NLRC5: variants seen among roughly 807,000 people sequenced by gnomAD.
NLRC5 encodes the protein protein NLRC5.
Under a neutral mutation model 206.9 loss-of-function variants are expected in NLRC5, and 114 were observed. That is an observed-to-expected ratio of 0.55 (90% CI 0.47 to 0.64). The LOEUF (loss-of-function observed/expected upper bound fraction) is 0.64, where lower values mean the gene tolerates loss of function less well. Ranked by LOEUF, NLRC5 falls within the 30% of genes least tolerant of loss-of-function variation. The pLI, the probability that NLRC5 is intolerant of heterozygous loss-of-function variation, is 0.00. For synonymous variants in NLRC5, 952 were observed against 962.8 expected, an observed-to-expected ratio of 0.99 and a Z score of 0.21; for missense variants, 2,008 against 2,305.5, an observed-to-expected ratio of 0.87 and a Z score of 2.64.
chr16:56,996,676 T>C (rs2057654943), intron 1 of NLRC5, among the ~76,000 whole-genome samples: 1 of 152,224 alleles, frequency 6.6e-6, no homozygotes, highest in Non-Finnish European at 1.5e-5. Context: ...GGTGAGTTTG[T>C]GGGGGAAATT....
At chr16:57,014,013 C>T (rs1384795176) in intron 1 of NLRC5, 8 of 350,714 alleles carry the variant, frequency 2.3e-5, no homozygotes, top group Non-Finnish European at 3.8e-5. Flanking sequence ...AGTTTCTTGA[C>T]AGATTTAAGT....
intron 21 of NLRC5, among the ~76,000 whole-genome samples, 198 bp downstream of exon 21, chr16:57,045,690 C>G (rs559819521): frequency 2.6e-5 from 4 of 152,316 alleles, no homozygotes; most frequent in African/African-American, 9.6e-5. Context: ...CCCTGTTTTC[C>G]CCTTGGAAGG....
chr16:57,015,944 A>AAAAAAAG (rs1567531360), intron 1 of NLRC5, among the ~76,000 whole-genome samples: 1 of 120,232 alleles, frequency 8.3e-6, no homozygotes, highest in Non-Finnish European at 1.8e-5. Flanking sequence ...AAAAAAAAAA[A>AAAAAAAG]AAAAGAAAGA....
intron 1 of NLRC5, among the ~76,000 whole-genome samples, chr16:57,003,148 C>A (rs544687503): frequency 6.6e-6 from 1 of 152,276 alleles, no homozygotes; most frequent in Admixed American, 6.5e-5. Flanking sequence ...CCGCCTCCGT[C>A]TCTTGGGTTC....
intron 1 of NLRC5, among the ~76,000 whole-genome samples, chr16:57,015,856 T>G (rs1245228903): frequency 4.3e-5 from 5 of 117,010 alleles, no homozygotes; most frequent in African/African-American, 1.4e-4. Flanking sequence ...AACCAGAAGG[T>G]GGAGGTTGTG....
intron 1 of NLRC5, among the ~76,000 whole-genome samples, chr16:57,000,514 C>T (rs1215314759): frequency 6.6e-6 from 1 of 152,056 alleles, no homozygotes; most frequent in Non-Finnish European, 1.5e-5. Context: ...AGTGCAGGCT[C>T]AGGAACATCC....
intron 8 of NLRC5, among the ~76,000 whole-genome samples, chr16:57,029,091 A>G (rs1425189652): frequency 7.2e-5 from 11 of 152,130 alleles, no homozygotes; most frequent in Non-Finnish European, 1.3e-4. Flanking sequence ...TGAAAATAAT[A>G]AGTTGGACCA....
chr16:57,038,673 T>A (rs930544932), intron 15 of NLRC5, among the ~76,000 whole-genome samples: 2 of 152,228 alleles, frequency 1.3e-5, no homozygotes, highest in African/African-American at 4.8e-5. Context: ...CTGTGGCTCA[T>A]GCTGTAAACC....
intron 32 of NLRC5, 116 bp from the exon 33 acceptor site, chr16:57,065,096 A>T (rs753578130): frequency 1.9e-4 from 100 of 514,484 alleles, no homozygotes; most frequent in Middle Eastern, 1.6e-3. Context: ...TGAGCAAAAA[A>T]AACTCAAAAA....
chr16:57,036,564 G>A lies in NLRC5; in HGVS notation c.2711+381G>A, dbSNP rs1055455061. Among the ~76,000 whole-genome samples, 7 of 152,096 alleles carry A rather than the reference G, an allele frequency of 4.6e-5. No individual in the cohort carries two copies. The East Asian group carries it at 9.6e-4, about 21-fold the overall frequency. On this transcript the variant is annotated intron_variant, in intron 14 of 48. Coordinates refer to ENST00000688547, the MANE Select transcript of NLRC5 (RefSeq NM_001384950.1). Reference sequence around the variant, plus strand: ...AGGGTAGGGAGTGGTGTGTTCCTGTGGGGATACACTGTTGGGGTGAGGGGT... The same window carrying A: ...AGGGTAGGGAGTGGTGTGTTCCTGTAGGGATACACTGTTGGGGTGAGGGGT...
intron 1 of NLRC5, among the ~76,000 whole-genome samples, chr16:57,009,885 C>T (rs1012342602): frequency 2.6e-5 from 4 of 152,166 alleles, no homozygotes; most frequent in African/African-American, 9.7e-5. Context: ...GATGCAGGCT[C>T]TGTCTTAATA....
intron 24 of NLRC5, 146 bp from the exon 25 acceptor site, chr16:57,054,605 C>T: frequency 1.4e-6 from 1 of 718,982 alleles, no homozygotes. Context: ...TGTCCCTCAG[C>T]CCTATTTGTG....
chr16:57,045,182 G>A, intron 20 of NLRC5: 1 of 437,832 alleles, frequency 2.3e-6, no homozygotes, highest in Admixed American at 3.4e-5. Context: ...ACACCAGCCT[G>A]GGCGACAGAG....
chr16:57,059,343 C>T, intron 29 of NLRC5, 124 bp from the exon 30 acceptor site: 1 of 1,488,070 alleles, frequency 6.7e-7, no homozygotes, highest in South Asian at 1.3e-5. Context: ...GTTCTGAGGC[C>T]TCCATCCTCC....
At chr16:57,006,342 C>A (rs553415681) in intron 1 of NLRC5, among the ~76,000 whole-genome samples, 1 of 151,114 alleles carries the variant, frequency 6.6e-6, no homozygotes, top group African/African-American at 2.4e-5. Flanking sequence ...TGTTTTGCCC[C>A]GGCTCTCTTT....
At chr16:57,043,364 G>A (rs2063525573) in intron 19 of NLRC5, 151 bp from the exon 20 acceptor site, 7 of 732,300 alleles carry the variant, frequency 9.6e-6, no homozygotes, top group East Asian at 2.5e-5. Context: ...TCCACCATGA[G>A]GACTTGCAAG....
chr16:57,011,704 G>C (rs1209654470), intron 1 of NLRC5, among the ~76,000 whole-genome samples: 4 of 138,106 alleles, frequency 2.9e-5, no homozygotes, highest in African/African-American at 8.1e-5. Context: ...CTGGGTGACA[G>C]AGCAAGACCC....
chr16:57,066,615 G>A lies in NLRC5; in HGVS notation c.4322+1G>A. The A allele has an allele frequency of 6.2e-7, 1 of 1,613,726 alleles. No homozygotes were observed. Reference sequence around the variant, plus strand: ...AGAATCCAGAAGCTGTGGCACTCAGGTGGGACCCAGCACCAGGGACCCCAA... The same window carrying A: ...AGAATCCAGAAGCTGTGGCACTCAGATGGGACCCAGCACCAGGGACCCCAA... On this transcript the variant is annotated splice_donor_variant, in intron 34 of 48. Coordinates refer to ENST00000688547, the MANE Select transcript of NLRC5 (RefSeq NM_001384950.1). LOFTEE classifies it high-confidence loss of function.
intron 27 of NLRC5, 109 bp from the exon 28 acceptor site, chr16:57,057,956 A>G (rs1216204018): frequency 2.4e-6 from 2 of 846,134 alleles, no homozygotes; most frequent in African/African-American, 3.4e-5. Flanking sequence ...GGTGACCCTG[A>G]CATGGGGTCC....
Sources: gnomAD v4.1 joint callset for allele counts (sites outside exome capture counted in the v4.1 genomes callset) on GRCh38, gnomAD v4.1.1 for gene constraint, MANE v1.5 for transcripts, NCBI Gene and HGNC (gene_info 2026-07-23, HGNC 2026-07-21) for gene names.